The following PPP3CA variants were observed in gnomAD, a reference collection of about 807,000 sequenced individuals.
PPP3CA encodes CAM-PRP catalytic subunit.
In PPP3CA, 14 loss-of-function variants were observed where a neutral mutation model predicts 66.5. That is an observed-to-expected ratio of 0.21 (90% CI 0.14 to 0.33). The LOEUF is 0.33. Ranked by LOEUF, PPP3CA falls within the 10% of genes least tolerant of loss-of-function variation. The pLI is 1.00. For missense variants in PPP3CA, 317 were observed against 639.5 expected (o/e 0.50, Z 5.44); for synonymous variants, 232 against 226.2 (o/e 1.03, Z -0.23).
At chr4:101,170,079 C>T (rs1578516926) in intron 2 of PPP3CA, among the ~76,000 whole-genome samples, 3 of 152,214 alleles carry the variant, frequency 2.0e-5, no homozygotes, top group East Asian at 1.9e-4. Flanking sequence ...TGATCTTAAA[C>T]GTGGTCCAAT....
intron 2 of PPP3CA, among the ~76,000 whole-genome samples, chr4:101,109,308 T>TAAAAA (rs70961775): frequency 3.0e-3 from 270 of 89,358 alleles, no homozygotes; most frequent in Middle Eastern, 6.8e-3. Context: ...ACAGATTAAC[T>TAAAAA]AAAAAAAAAA....
intron 1 of PPP3CA, among the ~76,000 whole-genome samples, chr4:101,301,863 A>C (rs1297923937): frequency 6.7e-6 from 1 of 150,372 alleles, no homozygotes; most frequent in African/African-American, 2.4e-5. Flanking sequence ...AGTTAAAGGA[A>C]ATTACTAGAT....
intron 3 of PPP3CA, among the ~76,000 whole-genome samples, chr4:101,107,052 T>A (rs74851786): frequency 6.6e-6 from 1 of 152,208 alleles, no homozygotes. Flanking sequence ...TGCTTTTCCA[T>A]CAGTTAAGCT....
chr4:101,206,035 CA>C (rs1184615135), intron 1 of PPP3CA, among the ~76,000 whole-genome samples: 1 of 152,184 alleles, frequency 6.6e-6, no homozygotes, highest in Non-Finnish European at 1.5e-5. Flanking sequence ...GGCTCTAGAG[CA>C]GGCTGCAGCA....
intron 10 of PPP3CA, among the ~76,000 whole-genome samples, chr4:101,059,140 A>C (rs1343114168): frequency 6.6e-6 from 1 of 152,064 alleles, no homozygotes; most frequent in Non-Finnish European, 1.5e-5. Context: ...TTTAGGAAAA[A>C]ATTTCTGCCA....
At chr4:101,092,061 G>A (rs1016551531) in intron 6 of PPP3CA, among the ~76,000 whole-genome samples, 5 of 151,988 alleles carry the variant, frequency 3.3e-5, no homozygotes, top group Non-Finnish European at 7.4e-5. Context: ...GAGGTGACAC[G>A]ATAGGAAGAC....
chr4:101,038,215 A>G (rs1727338692), intron 11 of PPP3CA, among the ~76,000 whole-genome samples: 4 of 152,170 alleles, frequency 2.6e-5, no homozygotes, highest in South Asian at 4.2e-4. Flanking sequence ...TGCCTTCACC[A>G]CATCTCTCCC....
chr4:101,202,168 G>C (rs981222938), intron 1 of PPP3CA, among the ~76,000 whole-genome samples: 3 of 152,080 alleles, frequency 2.0e-5, no homozygotes, highest in African/African-American at 7.2e-5. Context: ...CTTTGATCCA[G>C]TTGCAGATTT....
At chr4:101,158,150 A>G (rs1229396130) in intron 2 of PPP3CA, 1 of 152,208 alleles carries the variant, frequency 6.6e-6, no homozygotes, top group African/African-American at 2.4e-5. Context: ...AGAAGATGAA[A>G]AGAAAGAAGA....
At chr4:101,083,470 G>A (rs947591162) in intron 6 of PPP3CA, among the ~76,000 whole-genome samples, 2 of 151,992 alleles carry the variant, frequency 1.3e-5, no homozygotes, top group Non-Finnish European at 2.9e-5. Context: ...ATCAGAAAGG[G>A]GTTGAGGTGC....
chr4:101,106,539 C>A (rs1730764322), intron 3 of PPP3CA, among the ~76,000 whole-genome samples: 1 of 150,988 alleles, frequency 6.6e-6, no homozygotes, highest in South Asian at 2.1e-4. Flanking sequence ...TTCTATATAA[C>A]CCTAATTCAA....
chr4:101,054,732 A>C (rs1269937156), intron 10 of PPP3CA, among the ~76,000 whole-genome samples: 1 of 152,036 alleles, frequency 6.6e-6, no homozygotes, highest in African/African-American at 2.4e-5. Context: ...ACTATGGAAG[A>C]TAATTTTCTG....
At chr4:101,312,268 G>C (rs1728745656) in intron 1 of PPP3CA, among the ~76,000 whole-genome samples, 1 of 151,982 alleles carries the variant, frequency 6.6e-6, no homozygotes. Context: ...TTCATTGTAA[G>C]TACAGATGTT....
intron 1 of PPP3CA, among the ~76,000 whole-genome samples, chr4:101,288,536 A>G (rs1349159837): frequency 1.4e-5 from 2 of 145,420 alleles, no homozygotes; most frequent in Non-Finnish European, 3.0e-5. Context: ...AGGAGAAGGG[A>G]GAAGGGAGCG....
chr4:101,067,314 A>C (rs1728721771), intron 8 of PPP3CA, among the ~76,000 whole-genome samples: 1 of 152,086 alleles, frequency 6.6e-6, no homozygotes, highest in Non-Finnish European at 1.5e-5. Flanking sequence ...AAGATGTAAA[A>C]TTAGTAATCA....
Position 101,275,866 on chromosome 4 carries a change from TTTTTTG to T in PPP3CA, c.58+70867_58+70872del, listed in dbSNP as rs1457121668. ...GTTTTCTGTGTGTATGTGTGGTTTT[TTTTTTG>T]TTTTTTGTTTGTTTGTTTGTTTTTT... On this transcript the variant is annotated intron_variant, in intron 1 of 13. Transcript: ENST00000394854. Among the ~76,000 whole-genome samples the T allele has an allele frequency of 1.2e-4, 17 of 144,118 alleles. No homozygotes were observed. In the East Asian group the frequency reaches 2.5e-3, roughly 21 times the overall value. The allele number at this position is 144,118 out of a possible 152,430, so 94.5% of individuals were successfully genotyped here.
At chr4:101,048,509 C>CAAA (rs59988569) in intron 10 of PPP3CA, among the ~76,000 whole-genome samples, 8,037 of 65,914 alleles carry the variant, frequency 0.12, 2,061 homozygotes, top group East Asian at 0.8. Flanking sequence ...TTTCTCTCAC[C>CAAA]AAAAAAAAAA....
chr4:101,309,369 T>TA (rs1728648402), intron 1 of PPP3CA, among the ~76,000 whole-genome samples: 1 of 152,060 alleles, frequency 6.6e-6, no homozygotes, highest in African/African-American at 2.4e-5. Flanking sequence ...AATCCATAAA[T>TA]AAGAGACTAT....
chr4:101,024,748 T>TAAAG lies in PPP3CA; in HGVS notation c.*1113_*1116dup, dbSNP rs1726548091. On this transcript the variant is annotated 3_prime_UTR_variant, in exon 14 of 14. Coordinates refer to ENST00000394854, the MANE Select transcript of PPP3CA (RefSeq NM_000944.5). ...ATTGACAAGCTTATGTTAAAAACTT[T>TAAAG]AAAGAATACTCTCCCCTTTAGATTT... The TAAAG allele has an allele frequency of 6.6e-6, 1 of 152,644 alleles. No homozygotes were observed. The highest frequency in any genetic ancestry group is 2.4e-5 in the African/African-American group (1 of 41,452). 9.5% of individuals were successfully genotyped at this position (152,644 alleles called of 1,614,324 possible). A position where few individuals can be genotyped will look rare whatever the true frequency, so the allele number is the denominator to read the frequency against.
Sources: allele counts gnomAD v4.1 joint callset (sites outside exome capture counted in the v4.1 genomes callset), GRCh38; gene constraint gnomAD v4.1.1; transcripts MANE v1.5; gene names NCBI Gene and HGNC (gene_info 2026-07-23, HGNC 2026-07-21).